ITPK1: variants seen among roughly 807,000 people sequenced by gnomAD.
ITPK1 encodes the protein inositol 1,3,4-trisphosphate 5/6-kinase.
A neutral mutation model predicts 45.3 loss-of-function variants in ITPK1; 21 were observed. The observed-to-expected ratio is 0.46, with a 90% CI of 0.33 to 0.67. ITPK1 has a LOEUF of 0.67. Among genes scored for constraint, ITPK1 ranks in the 30% least tolerant of loss-of-function variants. The pLI is 0.02. For missense variants in ITPK1, 474 were observed against 573.5 expected (o/e 0.83, Z 1.77); for synonymous variants, 258 against 253.6 (o/e 1.02, Z -0.16).
intron 3 of ITPK1, among the ~76,000 whole-genome samples, chr14:93,065,430 G>A (rs1890704891): frequency 6.6e-6 from 1 of 152,192 alleles, no homozygotes; most frequent in African/African-American, 2.4e-5. Flanking sequence ...TCCTTCTGAG[G>A]ACAAACTAGG....
intron 2 of ITPK1, among the ~76,000 whole-genome samples, chr14:93,099,704 C>T (rs1216835457): frequency 6.6e-6 from 1 of 152,188 alleles, no homozygotes; most frequent in Admixed American, 6.5e-5. Context: ...CAGCCACAGC[C>T]ACAGGGAGGC....
chr14:93,087,547 T>C (rs949596497), intron 2 of ITPK1, among the ~76,000 whole-genome samples: 4 of 152,136 alleles, frequency 2.6e-5, no homozygotes, highest in African/African-American at 7.2e-5. Context: ...AATTTAAAAA[T>C]CCCATCTGTA....
intron 2 of ITPK1, among the ~76,000 whole-genome samples, chr14:93,107,075 A>G (rs2140033390): frequency 6.6e-6 from 1 of 152,230 alleles, no homozygotes; most frequent in Non-Finnish European, 1.5e-5. Flanking sequence ...CTCCTGCCTC[A>G]GCGTCCCAAG....
At position 93,012,213 on chromosome 14, in the gene ITPK1, C is replaced by G. The variant is rs1186175153; in HGVS notation, c.246+4463G>C. ...GAACACCAGCTGCTGGGAGCAGACA[C>G]AATCCCTGCCGCAGTGAAGGGACAG... On this transcript the variant is annotated intron_variant, in intron 4 of 10. Transcript: ENST00000267615. This position sits in a 1 kb window ranked among gnomAD's most constrained non-coding sequence, Gnocchi z 4.9. 6.6e-6 allele frequency among the ~76,000 whole-genome samples: 1 copy of G among 152,236 alleles called. No individual in the cohort carries two copies. The highest frequency in any genetic ancestry group is 1.9e-4 in the East Asian group (1 of 5,196).
chr14:92,964,303 C>T (rs1885234114), intron 5 of ITPK1, among the ~76,000 whole-genome samples: 1 of 152,118 alleles, frequency 6.6e-6, no homozygotes, highest in African/African-American at 2.4e-5. Flanking sequence ...CTGACAGTGT[C>T]CAGAAACAGG....
At chr14:92,957,267 A>C (rs887782782) in intron 8 of ITPK1, among the ~76,000 whole-genome samples, 4 of 152,252 alleles carry the variant, frequency 2.6e-5, no homozygotes, top group Non-Finnish European at 5.9e-5. Flanking sequence ...AGAAATGTGC[A>C]GCTGATTTGA....
intron 3 of ITPK1, among the ~76,000 whole-genome samples, chr14:93,023,396 G>A (rs376986002): frequency 2.0e-5 from 3 of 152,222 alleles, no homozygotes; most frequent in African/African-American, 7.2e-5. Flanking sequence ...CTCAGTTTTA[G>A]ATCTCTGAGT....
chr14:93,024,091 C>A (rs1938118801), intron 3 of ITPK1, among the ~76,000 whole-genome samples: 1 of 152,176 alleles, frequency 6.6e-6, no homozygotes, highest in Non-Finnish European at 1.5e-5. Context: ...AGGTCTGGAT[C>A]CACAAGGTGG....
intron 2 of ITPK1, among the ~76,000 whole-genome samples, chr14:93,110,819 A>G (rs1174805053): frequency 6.6e-6 from 1 of 152,204 alleles, no homozygotes; most frequent in Non-Finnish European, 1.5e-5. Flanking sequence ...ACTCACAGAC[A>G]TTCTTGTGCT....
chr14:93,056,495 G>C (rs1468332013), intron 3 of ITPK1, among the ~76,000 whole-genome samples: 2 of 152,206 alleles, frequency 1.3e-5, no homozygotes, highest in African/African-American at 4.8e-5. Context: ...GAGCAGCAAG[G>C]GCTTAGGGAA....
intron 8 of ITPK1, among the ~76,000 whole-genome samples, chr14:92,955,516 AG>A (rs1436027520): frequency 1.3e-5 from 2 of 152,084 alleles, no homozygotes; most frequent in Admixed American, 1.3e-4. Flanking sequence ...GGGTGGAGGG[AG>A]GGAAACAGTC....
intron 2 of ITPK1, among the ~76,000 whole-genome samples, chr14:93,100,244 G>A (rs1892253956): frequency 6.6e-6 from 1 of 152,270 alleles, no homozygotes; most frequent in South Asian, 2.1e-4. Context: ...CATGAGGGAT[G>A]GGGGACCCTG....
chr14:92,951,337 G>T (rs1887944609), intron 9 of ITPK1, among the ~76,000 whole-genome samples: 4 of 152,172 alleles, frequency 2.6e-5, no homozygotes, highest in African/African-American at 9.7e-5. Context: ...ACAGATCTGG[G>T]GTCAAACCCC....
At chr14:92,953,634 A>AAGGCCCAGGGGGAGGAAGGGCCACC (rs1296332729) in intron 8 of ITPK1, among the ~76,000 whole-genome samples, 6 of 152,176 alleles carry the variant, frequency 3.9e-5, no homozygotes, top group Non-Finnish European at 7.3e-5. Flanking sequence ...AATGGCGGAG[A>AAGGCCCAGGGGGAGGAAGGGCCACC]AGGCCCAGGG....
intron 5 of ITPK1, among the ~76,000 whole-genome samples, chr14:92,974,964 G>A (rs371951598): frequency 6.6e-6 from 1 of 152,238 alleles, no homozygotes; most frequent in Non-Finnish European, 1.5e-5. Context: ...AGGGCACAGG[G>A]GCTAGGGCAG....
chr14:93,022,805 C>T (rs758626462), intron 3 of ITPK1, among the ~76,000 whole-genome samples: 3 of 151,328 alleles, frequency 2.0e-5, no homozygotes, highest in Non-Finnish European at 3.0e-5. Context: ...GGATTACAGG[C>T]GTGAGCCACT....
rs1216581137 is a variant in ITPK1 at position 92,941,612 on chromosome 14, G to A, written c.1194C>T (p.Ser398=). 2.0e-5 allele frequency: 31 copies of A among 1,538,350 alleles called. No homozygotes were observed. The highest frequency in any genetic ancestry group is 2.7e-5 in the Non-Finnish European group (31 of 1,144,726). Residue 398 remains serine, a synonymous_variant, in exon 11 of 11, where the codon AGC becomes AGT. Coordinates refer to ENST00000267615, the MANE Select transcript of ITPK1 (RefSeq NM_014216.6). ...GGGAGGCCACACAATGCTGCTGGAA[G>A]CTGGGCGACACGCCGGCGTTGCAGC... ...RLGCNAGVSP[S]FQQHCVASLA...
At chr14:93,113,121 G>C (rs904656277) in intron 2 of ITPK1, among the ~76,000 whole-genome samples, 1 of 152,212 alleles carries the variant, frequency 6.6e-6, no homozygotes, top group African/African-American at 2.4e-5. Context: ...GGCTTCCTCG[G>C]GTTCTAGAAT....
At chr14:93,107,258 A>C (rs1031304013) in intron 2 of ITPK1, among the ~76,000 whole-genome samples, 2 of 152,180 alleles carry the variant, frequency 1.3e-5, no homozygotes, top group Non-Finnish European at 2.9e-5. Context: ...ACACCCAGCC[A>C]CTAACAGATT....
Sources: allele counts gnomAD v4.1 joint callset (sites outside exome capture counted in the v4.1 genomes callset), GRCh38; gene constraint gnomAD v4.1.1; non-coding constraint Gnocchi (gnomAD v3.1); transcripts MANE v1.5; gene names NCBI Gene and HGNC (gene_info 2026-07-23, HGNC 2026-07-21).